Variants in GLDC observed in about 807,000 individuals in gnomAD.
GLDC encodes the protein glycine decarboxylase.
Under a neutral mutation model 121.3 loss-of-function variants are expected in GLDC, and 104 were observed. The ratio of observed to expected loss-of-function variants is 0.86; its 90% CI spans 0.73 to 1.01. GLDC has a LOEUF of 1.01. GLDC is among the 50% of genes least tolerant of loss of function. The pLI is 0.00. For missense variants in GLDC, 1,429 were observed against 1,306.6 expected, an observed-to-expected ratio of 1.09 and a Z score of -1.44; for synonymous variants, 546 against 480.6, an observed-to-expected ratio of 1.14 and a Z score of -1.78.
chr9:6,544,820 G>A (rs117199224), intron 21 of GLDC, among the ~76,000 whole-genome samples: 1,525 of 152,124 alleles, frequency 0.01, 11 homozygotes, highest in Middle Eastern at 0.017. Flanking sequence ...GTATCAACTT[G>A]CCGGGGCAAT....
chr9:6,613,767 C>A (rs1268068503), intron 3 of GLDC, among the ~76,000 whole-genome samples: 1 of 151,810 alleles, frequency 6.6e-6, no homozygotes. Context: ...TATATGATAA[C>A]TAGTTTTTTG....
Position 6,558,625 on chromosome 9 carries a change from G to A in GLDC, c.1986C>T (p.Gly662=). 6.2e-7 allele frequency: 1 copy of A among 1,614,086 alleles called. No individual in the cohort carries two copies. Among genetic ancestry groups the A allele is most frequent in the South Asian group, 1.1e-5 (1 of 91,078 alleles). The change falls in exon 17 of 25, where the codon GGC becomes GGT. Residue 662 remains glycine, a synonymous_variant. Transcript: ENST00000321612. ...GTNPASAHMA[G]MKIQPVEVDK... The stretch of plus-strand genomic sequence containing the variant: ...CCACCTCCACAGGCTGAATCTTCAT[G>A]CCTGCCATGTGGGCACTTGCTGGGT...
Position 6,589,230 on chromosome 9 carries a change from C to G in GLDC, c.1545G>C (p.Arg515Ser), listed in dbSNP as rs121964976. The G allele has an allele frequency of 3.3e-4, 528 of 1,610,010 alleles. No individual in the cohort carries two copies. Among genetic ancestry groups the G allele is most frequent in the Non-Finnish European group, 4.4e-4 (517 of 1,176,474 alleles). ...CRGIPGSVFK[R>S]TSPFLTHQVF... is the part of the protein sequence containing the mutation. ...CTTGATGGGTGAGGAACGGGCTGGT[C>G]CTCTTGAACACAGACCCTGGAATAC... The change falls in exon 12 of 25, where the codon AGG (arginine) becomes AGC (serine). Residue 515 changes from arginine (R) to serine (S), a missense_variant. By Grantham distance (110) the Arg-to-Ser change is moderately radical (BLOSUM62 -1). Transcript: ENST00000321612.
At chr9:6,621,420 C>A (rs755767243) in intron 2 of GLDC, among the ~76,000 whole-genome samples, 1 of 152,156 alleles carries the variant, frequency 6.6e-6, no homozygotes, top group Non-Finnish European at 1.5e-5. Flanking sequence ...TGGCTGAGGT[C>A]ACACGACTTT....
At chr9:6,623,306 A>G (rs1255439933) in intron 2 of GLDC, among the ~76,000 whole-genome samples, 91 of 138,800 alleles carry the variant, frequency 6.6e-4, no homozygotes, top group East Asian at 1.5e-3. Context: ...CTGTTGATCT[A>G]TGACCTTACC....
intron 5 of GLDC, 197 bp from the exon 6 acceptor site, chr9:6,605,475 T>A (rs184941847): frequency 1.0e-4 from 65 of 638,878 alleles, no homozygotes; most frequent in Middle Eastern, 8.2e-4. Context: ...ACAGCTCTGC[T>A]TCTGTTCCTC....
intron 2 of GLDC, among the ~76,000 whole-genome samples, chr9:6,640,243 G>C (rs1380775728): frequency 6.6e-6 from 1 of 152,146 alleles, no homozygotes; most frequent in African/African-American, 2.4e-5. Flanking sequence ...AAATTTATTG[G>C]AATCATCCTA....
At chr9:6,577,559 A>G (rs1392789772) in intron 15 of GLDC, among the ~76,000 whole-genome samples, 3 of 152,348 alleles carry the variant, frequency 2.0e-5, no homozygotes, top group African/African-American at 7.2e-5. Context: ...AATTGACTAA[A>G]TAACATATGA....
At chr9:6,634,396 G>A (rs1303193039) in intron 2 of GLDC, among the ~76,000 whole-genome samples, 1 of 151,888 alleles carries the variant, frequency 6.6e-6, no homozygotes, top group African/African-American at 2.4e-5. Flanking sequence ...GGGCATGGTA[G>A]CTCACGCCAG....
At chr9:6,632,550 G>C (rs557951097) in intron 2 of GLDC, among the ~76,000 whole-genome samples, 1 of 152,192 alleles carries the variant, frequency 6.6e-6, no homozygotes, top group East Asian at 1.9e-4. Context: ...TCCGTACATC[G>C]TATAACTGAG....
In GLDC at chr9:6,555,818, A is replaced by C. The variant is rs185487940; in HGVS notation, c.2202+335T>G. Among the ~76,000 whole-genome samples the C allele has an allele frequency of 2.8e-3, 423 of 152,144 alleles. 3 individuals carry two copies. The highest frequency in any genetic ancestry group is 0.014 in the South Asian group (66 of 4,814). On this transcript the variant is annotated intron_variant, in intron 18 of 24. Transcript: ENST00000321612. Reference sequence around the variant, plus strand: ...AAAAAGAAAGAAAGAAAGAAAAAGGAAAAAAGCAAACACCAATAAGAGTCT... The same window carrying C: ...AAAAAGAAAGAAAGAAAGAAAAAGGCAAAAAGCAAACACCAATAAGAGTCT...
At chr9:6,561,325 T>C (rs532832051) in intron 16 of GLDC, among the ~76,000 whole-genome samples, 2 of 152,314 alleles carry the variant, frequency 1.3e-5, no homozygotes, top group Admixed American at 6.5e-5. Context: ...TTAATTATTC[T>C]TTATAATGTT....
intron 2 of GLDC, 116 bp from the exon 3 acceptor site, chr9:6,620,435 T>G: frequency 1.1e-6 from 1 of 903,790 alleles, no homozygotes; most frequent in South Asian, 1.4e-5. Flanking sequence ...ATATGGAAAA[T>G]GTAAGAGTCA....
At chr9:6,579,021 A>C (rs879276953) in intron 15 of GLDC, among the ~76,000 whole-genome samples, 5 of 152,170 alleles carry the variant, frequency 3.3e-5, no homozygotes, top group Non-Finnish European at 5.9e-5. Context: ...TTGTTAAGAA[A>C]TCATTTATTT....
intron 16 of GLDC, among the ~76,000 whole-genome samples, chr9:6,562,957 C>G (rs1391142363): frequency 6.6e-6 from 1 of 152,208 alleles, no homozygotes; most frequent in Non-Finnish European, 1.5e-5. Flanking sequence ...CCCTGCCTCT[C>G]CCTTTCCCCC....
intron 21 of GLDC, among the ~76,000 whole-genome samples, chr9:6,545,985 C>G (rs752699529): frequency 3.9e-5 from 6 of 152,190 alleles, no homozygotes; most frequent in Non-Finnish European, 5.9e-5. Context: ...TTAAACCTTT[C>G]TGACTCTTTT....
chr9:6,640,434 A>G (rs1339190188), intron 2 of GLDC, among the ~76,000 whole-genome samples: 1 of 152,232 alleles, frequency 6.6e-6, no homozygotes, highest in Non-Finnish European at 1.5e-5. Flanking sequence ...CCCTGGGGTC[A>G]GTTCAGGAGA....
intron 17 of GLDC, among the ~76,000 whole-genome samples, chr9:6,557,067 C>T (rs1817649036): frequency 6.6e-6 from 1 of 152,104 alleles, no homozygotes; most frequent in Admixed American, 6.5e-5. Flanking sequence ...CAAATTACAG[C>T]TAGATAGGAG....
chr9:6,638,798 C>G (rs921850350), intron 2 of GLDC, among the ~76,000 whole-genome samples: 47 of 152,018 alleles, frequency 3.1e-4, no homozygotes, highest in African/African-American at 1.1e-3. Flanking sequence ...ATCACGAGGT[C>G]AGGAGTTTGA....
Sources: allele counts gnomAD v4.1 joint callset (sites outside exome capture counted in the v4.1 genomes callset), GRCh38; gene constraint gnomAD v4.1.1; transcripts MANE v1.5; gene names NCBI Gene and HGNC (gene_info 2026-07-23, HGNC 2026-07-21).